Variants in MFSD2B observed in about 807,000 individuals in gnomAD.
MFSD2B encodes MFSD2 lysolipid transporter B, sphingolipid.
Under a neutral mutation model 58.4 loss-of-function variants are expected in MFSD2B, and 56 were observed. The ratio of observed to expected loss-of-function variants is 0.96; its 90% CI spans 0.77 to 1.20. The LOEUF is 1.20. Among genes scored for constraint, MFSD2B ranks in the 50% most tolerant of loss-of-function variants. MFSD2B has a pLI of 0.00. For synonymous variants in MFSD2B, 287 were observed against 294.4 expected, an observed-to-expected ratio of 0.97 and a Z score of 0.26; for missense variants, 645 against 667.6, an observed-to-expected ratio of 0.97 and a Z score of 0.37.
At chr2:24,018,717 GAAA>G (rs550408376) in intron 6 of MFSD2B, 101 of 147,878 alleles carry the variant, frequency 6.8e-4, no homozygotes, top group East Asian at 3.3e-3. Flanking sequence ...TCCTTTTCTG[GAAA>G]AAAAAAAAAA....
chr2:24,022,307 A>G lies in MFSD2B; in HGVS notation c.895-126A>G, dbSNP rs1428430345. ...ATAAGTGTCCTTTGTGGGGGAAGGG[A>G]CTGTATGATGGTAGCAGCAAGCCAA... On this transcript the variant is annotated intron_variant, in intron 8 of 13. Transcript: ENST00000338315. The surrounding 1 kb of genome is among the most constrained non-coding windows in gnomAD (Gnocchi z 4.5). 1.4e-5 allele frequency: 11 copies of G among 777,828 alleles called. No homozygotes were observed. Among genetic ancestry groups the G allele is most frequent in the Non-Finnish European group, 2.4e-5 (11 of 453,398 alleles). The allele number at this position is 777,828 out of a possible 1,614,324, so 48.2% of individuals were successfully genotyped here. A position where few individuals can be genotyped will look rare whatever the true frequency, so the allele number is the denominator to read the frequency against.
chr2:24,013,273 T>A lies in MFSD2B; in HGVS notation c.97-12T>A. On this transcript the variant is annotated splice_polypyrimidine_tract_variant and intron_variant, in intron 1 of 13. Transcript: ENST00000338315. ...TGTTGGGAGAAGGGCTTAGTTCCTG[T>A]GTCTCCTCCAGGACAGCAGAGCCGG... is the stretch of plus-strand genomic sequence containing the variant. The A allele has an allele frequency of 6.3e-7, 1 of 1,590,174 alleles. No homozygotes were observed. Among genetic ancestry groups the A allele is most frequent in the Non-Finnish European group, 8.6e-7 (1 of 1,162,810 alleles).
chr2:24,013,345 C>T lies in MFSD2B; in HGVS notation c.157C>T (p.Pro53Ser). The T allele has an allele frequency of 6.2e-7, 1 of 1,611,962 alleles. No individual in the cohort carries two copies. The highest frequency in any genetic ancestry group is 8.5e-7 in the Non-Finnish European group (1 of 1,179,228). Residue 53 changes from proline to serine, a missense_variant, in exon 2 of 14, where the codon CCC (proline) becomes TCC (serine). Physicochemically the swap from Pro to Ser is moderately conservative, Grantham distance 74. Transcript: ENST00000338315. ...TKVCYGIGGV[P>S]NQIASSATAF... ...GGTGTGCTATGGCATTGGTGGGGTC[C>T]CCAACCAGATAGCCTCCAGCGCCAC...
In MFSD2B at chr2:24,022,783, G is replaced by T; in HGVS notation, c.979-39G>T. On this transcript the variant is annotated intron_variant, in intron 9 of 13. Transcript: ENST00000338315. The surrounding 1 kb of genome is among the most constrained non-coding windows in gnomAD (Gnocchi z 4.5). The stretch of plus-strand genomic sequence containing the variant: ...CTTGGGGTCCCAGGCAAAGGCGCTG[G>T]CAGCACGGCCCTGGCGTGACGATGC... 6.9e-7 allele frequency: 1 copy of T among 1,453,720 alleles called. No homozygotes were observed. Among genetic ancestry groups the T allele is most frequent in the Non-Finnish European group, 9.2e-7 (1 of 1,087,942 alleles). The allele number at this position is 1,453,720 out of a possible 1,614,324, so 90.1% of individuals were successfully genotyped here. A position where few individuals can be genotyped will look rare whatever the true frequency, so the allele number is the denominator to read the frequency against.
chr2:24,017,351 G>C lies in MFSD2B; in HGVS notation c.537G>C (p.Ser179=), dbSNP rs372885735. The change falls in exon 5 of 14, where the codon TCG becomes TCC. Residue 179 remains serine, a synonymous_variant. Transcript: ENST00000338315. The surrounding 1 kb of genome is among the most constrained non-coding windows in gnomAD (Gnocchi z 4.8). The stretch of plus-strand genomic sequence containing the variant: ...CTCCCTGCCCAAGGGAGCGGGACTC[G>C]GCCACCGCCTACCGTGAGTGCAGCC... The part of the protein sequence containing the change: ...LLTPCPRERD[S]ATAYRMTVEM... 4 of 1,604,802 alleles carry C rather than the reference G, an allele frequency of 2.5e-6. No individual in the cohort carries two copies. Among genetic ancestry groups the C allele is most frequent in the Non-Finnish European group, 3.4e-6 (4 of 1,176,496 alleles).
rs1248278388 is a variant in MFSD2B at position 24,022,074 on chromosome 2, G to A, written c.894+104G>A. ...TTGAGTTTTATAGGGAGAAACCTGC[G>A]GCTGGCACATGGCTCAGAGGGGCTG... is the stretch of plus-strand genomic sequence containing the variant. On this transcript the variant is annotated intron_variant, in intron 8 of 13. Coordinates refer to ENST00000338315, the MANE Select transcript of MFSD2B (RefSeq NM_001346880.2). The surrounding 1 kb of genome is among the most constrained non-coding windows in gnomAD (Gnocchi z 4.5). The A allele has an allele frequency of 1.5e-5, 21 of 1,371,078 alleles. No homozygotes were observed. The highest frequency in any genetic ancestry group is 2.3e-5 in the East Asian group (1 of 43,542). 84.9% of individuals were successfully genotyped at this position (1,371,078 alleles called of 1,614,324 possible).
In MFSD2B at chr2:24,023,667, C is replaced by T. The variant is rs761152644; in HGVS notation, c.1254C>T (p.Tyr418=). 1.2e-5 allele frequency: 19 copies of T among 1,613,830 alleles called. No homozygotes were observed. In the African/African-American group the frequency reaches 1.2e-4, roughly 10 times the overall value. Reference sequence around the variant, plus strand: ...TGGAGACCATCTTCTACTCCTCCTACGTCTTCTTCACCAAGCTGTCTGGCG... The same window carrying T: ...TGGAGACCATCTTCTACTCCTCCTATGTCTTCTTCACCAAGCTGTCTGGCG... ...PGLETIFYSS[Y]VFFTKLSGAC... Residue 418 remains tyrosine (Y), a synonymous_variant, in exon 12 of 14, where the codon TAC becomes TAT. Coordinates refer to ENST00000338315, the MANE Select transcript of MFSD2B (RefSeq NM_001346880.2). This position sits in a 1 kb window ranked among gnomAD's most constrained non-coding sequence, Gnocchi z 5.0.
rs1409942448 is a variant in MFSD2B, at chr2:24,017,363, C to T, written c.549C>T (p.Tyr183=). Reference sequence around the variant, plus strand: ...GGGAGCGGGACTCGGCCACCGCCTACCGTGAGTGCAGCCGTGGGTTTCGGG... The same window carrying T: ...GGGAGCGGGACTCGGCCACCGCCTATCGTGAGTGCAGCCGTGGGTTTCGGG... ...CPRERDSATA[Y]RMTVEMAGTL... The change falls in exon 5 of 14, where the codon TAC becomes TAT. Residue 183 remains tyrosine (Y), a splice_region_variant and synonymous_variant. Transcript: ENST00000338315. This position sits in a 1 kb window ranked among gnomAD's most constrained non-coding sequence, Gnocchi z 4.8. The T allele has an allele frequency of 6.9e-6, 11 of 1,604,230 alleles. No homozygotes were observed. Among genetic ancestry groups the T allele is most frequent in the Non-Finnish European group, 9.4e-6 (11 of 1,176,146 alleles).
Position 24,021,611 on chromosome 2 carries a change from A to G in MFSD2B, c.682-37A>G, listed in dbSNP as rs1292614176. The stretch of plus-strand genomic sequence containing the variant: ...CCGGTGTCACCACCTCCAGGGGTTG[A>G]AGACATCACCCATCCCAGTCCTGTC... On this transcript the variant is annotated intron_variant, in intron 6 of 13. Coordinates refer to ENST00000338315, the MANE Select transcript of MFSD2B (RefSeq NM_001346880.2). The surrounding 1 kb of genome is among the most constrained non-coding windows in gnomAD (Gnocchi z 5.7). 1.9e-6 allele frequency: 3 copies of G among 1,573,792 alleles called. No homozygotes were observed. Among genetic ancestry groups the G allele is most frequent in the Non-Finnish European group, 2.6e-6 (3 of 1,152,160 alleles).
rs185798712 is a variant in MFSD2B, at chr2:24,021,817, C to A, written c.773-32C>A. ...GGGCAGGTTTTGCTTTTGAACTCTGCGAAGCCAAGGTGACACGCTTCTGCG... is the reference window on the plus strand; with the variant it reads ...GGGCAGGTTTTGCTTTTGAACTCTGAGAAGCCAAGGTGACACGCTTCTGCG... On this transcript the variant is annotated intron_variant, in intron 7 of 13. Coordinates refer to ENST00000338315, the MANE Select transcript of MFSD2B (RefSeq NM_001346880.2). The surrounding 1 kb of genome is among the most constrained non-coding windows in gnomAD (Gnocchi z 5.7). The A allele has an allele frequency of 1.1e-5, 17 of 1,613,238 alleles. No individual in the cohort carries two copies. The South Asian group carries it at 1.8e-4, about 17-fold the overall frequency.
chr2:24,018,049 C>T (rs1436809399), intron 6 of MFSD2B, among the ~76,000 whole-genome samples: 1 of 152,202 alleles, frequency 6.6e-6, no homozygotes, highest in Non-Finnish European at 1.5e-5. Context: ...CCTTCCTTCC[C>T]TTTCACGGCG....
chr2:24,017,481 A>G lies in MFSD2B; in HGVS notation c.574A>G (p.Thr192Ala). Reference protein sequence around the residue: ...AYRMTVEMAGTLMGATVHGLI... With the variant: ...AYRMTVEMAGALMGATVHGLI... ...AGGGATGACTGTGGAGATGGCGGGA[A>G]CACTGATGGGGGCCACTGTCCACGG... Residue 192 changes from threonine (T) to alanine (A), a missense_variant, in exon 6 of 14, where the codon ACA becomes GCA. By Grantham distance (58) the Thr-to-Ala change is moderately conservative. Coordinates refer to ENST00000338315, the MANE Select transcript of MFSD2B (RefSeq NM_001346880.2). This position sits in a 1 kb window ranked among gnomAD's most constrained non-coding sequence, Gnocchi z 4.8. 1 of 1,600,612 alleles carries G rather than the reference A, an allele frequency of 6.2e-7. No individual in the cohort carries two copies.
In MFSD2B at chr2:24,022,351, A is replaced by G; in HGVS notation, c.895-82A>G. 8.9e-7 allele frequency: 1 copy of G among 1,129,350 alleles called. No individual in the cohort carries two copies. The highest frequency in any genetic ancestry group is 1.3e-6 in the Non-Finnish European group (1 of 762,046). 70.0% of individuals were successfully genotyped at this position (1,129,350 alleles called of 1,614,324 possible). The stretch of plus-strand genomic sequence containing the variant: ...AAGCCAAGGTCCCAATGGAGATGCC[A>G]GACTCCAGACCCTGTCCTTGCCCTT... On this transcript the variant is annotated intron_variant, in intron 8 of 13. Coordinates refer to ENST00000338315, the MANE Select transcript of MFSD2B (RefSeq NM_001346880.2). The surrounding 1 kb of genome is among the most constrained non-coding windows in gnomAD (Gnocchi z 4.5).
At position 24,023,573 on chromosome 2, in the gene MFSD2B, C is replaced by T; in HGVS notation, c.1170-10C>T. On this transcript the variant is annotated splice_polypyrimidine_tract_variant and intron_variant, in intron 11 of 13. Transcript: ENST00000338315. The surrounding 1 kb of genome is among the most constrained non-coding windows in gnomAD (Gnocchi z 5.0). The stretch of plus-strand genomic sequence containing the variant: ...GGGCTAGGAGGGCTAACTCCACACC[C>T]CCGCCGCAGGTCCATGCTGCCAGAC... 1.2e-6 allele frequency: 2 copies of T among 1,612,284 alleles called. No individual in the cohort carries two copies. The highest frequency in any genetic ancestry group is 2.7e-5 in the African/African-American group (2 of 75,040).
In MFSD2B at chr2:24,023,540, T is replaced by C; in HGVS notation, c.1170-43T>C. The C allele has an allele frequency of 6.3e-7, 1 of 1,586,138 alleles. No individual in the cohort carries two copies. Among genetic ancestry groups the C allele is most frequent in the South Asian group, 1.1e-5 (1 of 87,994 alleles). ...CCCCAGAGAATTCACAGGCTGCTGG[T>C]GGCCAAGGGGCTAGGAGGGCTAACT... is the stretch of plus-strand genomic sequence containing the variant. On this transcript the variant is annotated intron_variant, in intron 11 of 13. Transcript: ENST00000338315. The surrounding 1 kb of genome is among the most constrained non-coding windows in gnomAD (Gnocchi z 5.0).
In MFSD2B at chr2:24,021,998, G is replaced by C. The variant is rs765630372; in HGVS notation, c.894+28G>C. Reference sequence around the variant, plus strand: ...ACCTCTGGCCAGCTGCCCCCGACAGGCTTGGTGCTGGCCATGCTGACCTTG... The same window carrying C: ...ACCTCTGGCCAGCTGCCCCCGACAGCCTTGGTGCTGGCCATGCTGACCTTG... On this transcript the variant is annotated intron_variant, in intron 8 of 13. Coordinates refer to ENST00000338315, the MANE Select transcript of MFSD2B (RefSeq NM_001346880.2). The surrounding 1 kb of genome is among the most constrained non-coding windows in gnomAD (Gnocchi z 5.7). 1 of 1,613,714 alleles carries C rather than the reference G, an allele frequency of 6.2e-7. No individual in the cohort carries two copies. The highest frequency in any genetic ancestry group is 1.1e-5 in the South Asian group (1 of 91,072).
At chr2:24,010,307 C>A (rs1043513209) in intron 1 of MFSD2B, 115 bp downstream of exon 1, 2 of 809,402 alleles carry the variant, frequency 2.5e-6, no homozygotes, top group Non-Finnish European at 3.4e-6. Context: ...CCCAAACCTG[C>A]CAGCTCAGGG....
At chr2:24,016,128 T>A (rs1709135844) in intron 2 of MFSD2B, 28 bp from the exon 3 acceptor site, 1 of 1,612,092 alleles carries the variant, frequency 6.2e-7, no homozygotes. Flanking sequence ...GGGCCTCAGC[T>A]CTCTATCCCC....
At position 24,016,937 on chromosome 2, in the gene MFSD2B, CTT is replaced by C. The variant is rs1709168888; in HGVS notation, c.442_443del (p.Phe148LeufsTer251). 1.9e-6 allele frequency: 3 copies of C among 1,613,936 alleles called. No homozygotes were observed. Among genetic ancestry groups the C allele is most frequent in the Non-Finnish European group, 2.5e-6 (3 of 1,179,874 alleles). On this transcript the variant is annotated frameshift_variant, in exon 4 of 14. Coordinates refer to ENST00000338315, the MANE Select transcript of MFSD2B (RefSeq NM_001346880.2). LOFTEE classifies it high-confidence loss of function. ...AGCCTGCGAGGCCTCTGGTACACGA[CTT>C]TCTACTGCCTGTTCCAGGCCCTGGC...
Sources: allele counts gnomAD v4.1 joint callset (sites outside exome capture counted in the v4.1 genomes callset), GRCh38; gene constraint gnomAD v4.1.1; non-coding constraint Gnocchi (gnomAD v3.1); transcripts MANE v1.5; gene names NCBI Gene and HGNC (gene_info 2026-07-23, HGNC 2026-07-21).